The following ASCC2 variants were observed in gnomAD, a reference collection of about 807,000 sequenced individuals.
ASCC2 encodes activating signal cointegrator 1 complex subunit 2.
A neutral mutation model predicts 93.5 loss-of-function variants in ASCC2; 42 were observed. The observed-to-expected ratio is 0.45, with a 90% CI of 0.35 to 0.58. ASCC2 has a LOEUF of 0.58. ASCC2 is among the 20% of genes least tolerant of loss of function. The pLI is 0.00. For synonymous variants in ASCC2, 364 were observed against 384.2 expected (o/e 0.95, Z 0.62); for missense variants, 859 against 977.6 (o/e 0.88, Z 1.62).
intron 5 of ASCC2, among the ~76,000 whole-genome samples, chr22:29,821,591 C>G (rs2061557659): frequency 6.6e-6 from 1 of 152,210 alleles, no homozygotes; most frequent in South Asian, 2.1e-4. Context: ...TGCCAGGTCC[C>G]CGGAACACTC....
At chr22:29,808,076 C>T in intron 9 of ASCC2, 35 bp downstream of exon 9, 1 of 1,611,424 alleles carries the variant, frequency 6.2e-7, no homozygotes, top group Non-Finnish European at 8.5e-7. Flanking sequence ...CCTCTCTGTC[C>T]CACAACAACA....
chr22:29,825,271 C>G lies in ASCC2; in HGVS notation c.241-14G>C, dbSNP rs548636327. ...GTCAAAGATCACCTAAACCAGGAGA[C>G]AGAGGAGAGCGAGGATTTATCCCTT... is the stretch of plus-strand genomic sequence containing the variant. On this transcript the variant is annotated splice_polypyrimidine_tract_variant and intron_variant, in intron 3 of 19. Transcript: ENST00000307790. This position sits in a 1 kb window ranked among gnomAD's most constrained non-coding sequence, Gnocchi z 4.9. 6.6e-7 allele frequency: 1 copy of G among 1,509,550 alleles called. No homozygotes were observed. The highest frequency in any genetic ancestry group is 1.4e-5 in the African/African-American group (1 of 71,382). The allele number at this position is 1,509,550 out of a possible 1,614,324, so 93.5% of individuals were successfully genotyped here.
intron 1 of ASCC2, among the ~76,000 whole-genome samples, chr22:29,834,979 T>C (rs770495507): frequency 2.0e-5 from 3 of 152,134 alleles, no homozygotes; most frequent in Non-Finnish European, 2.9e-5. Flanking sequence ...TGAAGATGGC[T>C]GTGGGAGTGT....
chr22:29,819,987 G>A (rs1340474909), intron 5 of ASCC2, among the ~76,000 whole-genome samples: 1 of 151,874 alleles, frequency 6.6e-6, no homozygotes, highest in African/African-American at 2.4e-5. Flanking sequence ...AGCCTCCAGA[G>A]TAGCTGAGAC....
Position 29,825,440 on chromosome 22 carries a change from A to C in ASCC2, c.240+182T>G. 1 of 1,122,942 alleles carries C rather than the reference A, an allele frequency of 8.9e-7. No individual in the cohort carries two copies. 69.6% of individuals were successfully genotyped at this position (1,122,942 alleles called of 1,614,324 possible). A position where few individuals can be genotyped will look rare whatever the true frequency, so the allele number is the denominator to read the frequency against. ...CAAGATTCTAAAATTGACACTTTGA[A>C]AGGTGTGTAAACATTAAGATTGTGA... On this transcript the variant is annotated intron_variant, in intron 3 of 19. Coordinates refer to ENST00000307790, the MANE Select transcript of ASCC2 (RefSeq NM_032204.5). The surrounding 1 kb of genome is among the most constrained non-coding windows in gnomAD (Gnocchi z 4.9).
chr22:29,802,954 T>C (rs1304511273), intron 13 of ASCC2, among the ~76,000 whole-genome samples: 1 of 140,374 alleles, frequency 7.1e-6, no homozygotes, highest in Non-Finnish European at 1.6e-5. Context: ...AAAAATAAAA[T>C]AAAATAAATT....
chr22:29,814,531 A>C, intron 7 of ASCC2, 126 bp downstream of exon 7: 2 of 660,340 alleles, frequency 3.0e-6, no homozygotes, highest in Non-Finnish European at 5.0e-6. Context: ...GTGCTGGAGG[A>C]AGGGGCCCTG....
chr22:29,791,707 C>G (rs2057768728), intron 18 of ASCC2, among the ~76,000 whole-genome samples: 1 of 151,898 alleles, frequency 6.6e-6, no homozygotes, highest in South Asian at 2.1e-4. Flanking sequence ...AACAACAAAA[C>G]ACACACACAC....
intron 1 of ASCC2, among the ~76,000 whole-genome samples, chr22:29,837,265 C>CTG: frequency 1.6e-5 from 1 of 62,848 alleles, no homozygotes; most frequent in African/African-American, 1.0e-4. Context: ...CCCGTCTCTA[C>CTG]CGAAAAAAAA....
rs764213832 is a variant in ASCC2 at position 29,813,391 on chromosome 22, C to T, written c.833+39G>A. The T allele has an allele frequency of 3.7e-6, 5 of 1,335,272 alleles. No homozygotes were observed. The South Asian group carries it at 5.9e-5, about 16-fold the overall frequency. The allele number at this position is 1,335,272 out of a possible 1,614,324, so 82.7% of individuals were successfully genotyped here. On this transcript the variant is annotated intron_variant, in intron 8 of 19. Transcript: ENST00000307790. ...AATATTTGTTAAATTAGTACATAAG[C>T]CAGTATCTCTATTTCAACAGCCAGA...
intron 5 of ASCC2, among the ~76,000 whole-genome samples, chr22:29,820,144 A>G (rs1406452718): frequency 6.6e-6 from 1 of 151,770 alleles, no homozygotes; most frequent in African/African-American, 2.4e-5. Context: ...TTCAGTGAAA[A>G]TGTTGGATGC....
At chr22:29,800,637 G>A (rs1015452738) in intron 15 of ASCC2, among the ~76,000 whole-genome samples, 17 of 152,214 alleles carry the variant, frequency 1.1e-4, no homozygotes, top group African/African-American at 4.1e-4. Context: ...ACAGCCTGGG[G>A]AAAATCAGGT....
chr22:29,801,887 G>C, intron 14 of ASCC2, 107 bp downstream of exon 14: 1 of 963,746 alleles, frequency 1.0e-6, no homozygotes, highest in Non-Finnish European at 1.5e-6. Flanking sequence ...GCTGGGAAGA[G>C]AGAACAAGCT....
intron 1 of ASCC2, among the ~76,000 whole-genome samples, chr22:29,836,677 C>G (rs1190081834): frequency 6.6e-6 from 1 of 152,114 alleles, no homozygotes; most frequent in Non-Finnish European, 1.5e-5. Context: ...TCTCCTGCCT[C>G]AGCCTCCCGA....
chr22:29,793,025 C>A (rs1385266126), intron 17 of ASCC2, among the ~76,000 whole-genome samples: 2 of 151,990 alleles, frequency 1.3e-5, no homozygotes, highest in African/African-American at 4.8e-5. Flanking sequence ...GCACACCACA[C>A]CTGTAGTCCC....
At position 29,825,554 on chromosome 22, in the gene ASCC2, C is replaced by T. The variant is rs546284060; in HGVS notation, c.240+68G>A. On this transcript the variant is annotated intron_variant, in intron 3 of 19. Transcript: ENST00000307790. This position sits in a 1 kb window ranked among gnomAD's most constrained non-coding sequence, Gnocchi z 4.9. ...AAAGCACCTCCTAGGGGAAGAAAAA[C>T]AACAACAGCAACCAACCAATGGCAT... The T allele has an allele frequency of 4.4e-6, 7 of 1,608,084 alleles. No homozygotes were observed. In the African/African-American group the frequency reaches 9.3e-5, roughly 21 times the overall value.
intron 2 of ASCC2, among the ~76,000 whole-genome samples, chr22:29,829,117 A>T (rs577774688): frequency 6.6e-6 from 1 of 152,244 alleles, no homozygotes; most frequent in East Asian, 1.9e-4. Context: ...CGGAGGTTGC[A>T]GTGAGCAGAG....
intron 7 of ASCC2, 31 bp from the exon 8 acceptor site, chr22:29,813,573 T>G: frequency 7.0e-7 from 1 of 1,430,998 alleles, no homozygotes; most frequent in Non-Finnish European, 9.8e-7. Flanking sequence ...TGCATTATTC[T>G]CCTCTGTCCA....
intron 8 of ASCC2, among the ~76,000 whole-genome samples, chr22:29,808,691 T>G (rs1465527492): frequency 1.3e-5 from 2 of 151,052 alleles, no homozygotes; most frequent in Non-Finnish European, 2.9e-5. Context: ...GGCATGGTGG[T>G]CCACACCTGT....
Sources: allele counts gnomAD v4.1 joint callset (sites outside exome capture counted in the v4.1 genomes callset), GRCh38; gene constraint gnomAD v4.1.1; non-coding constraint Gnocchi (gnomAD v3.1); transcripts MANE v1.5; gene names NCBI Gene and HGNC (gene_info 2026-07-23, HGNC 2026-07-21).